The following COL4A4 variants were observed in gnomAD, a reference collection of about 807,000 sequenced individuals.
The protein encoded by COL4A4 is collagen type IV alpha 4 chain.
A neutral mutation model predicts 192.9 loss-of-function variants in COL4A4; 105 were observed. The ratio of observed to expected loss-of-function variants is 0.54; its 90% CI spans 0.46 to 0.64. COL4A4 has a LOEUF of 0.64. Ranked by LOEUF, COL4A4 falls within the 30% of genes least tolerant of loss-of-function variation. The pLI is 0.00. For synonymous variants in COL4A4, 762 were observed against 769.9 expected, an observed-to-expected ratio of 0.99 and a Z score of 0.17; for missense variants, 1,967 against 2,169.3, an observed-to-expected ratio of 0.91 and a Z score of 1.85.
chr2:227,056,005 G>A lies in COL4A4; in HGVS notation c.2656C>T (p.Leu886Phe), dbSNP rs911024884. 4.3e-6 allele frequency: 7 copies of A among 1,614,000 alleles called. No homozygotes were observed. The highest frequency in any genetic ancestry group is 5.9e-6 in the Non-Finnish European group (7 of 1,179,934). The change falls in exon 30 of 48, where the codon CTC becomes TTC. Residue 886 changes from leucine (L) to phenylalanine (F), a missense_variant. Transcript: ENST00000396625. ...CCAAAGGGACCTGGGATTCCTGGGA[G>A]GCCTGGGGGACCATGTGCCCCAGGC... ...GRPGAHGPPG[L>F]PGIPGPFGDD...
intron 44 of COL4A4, among the ~76,000 whole-genome samples, chr2:227,016,829 T>C (rs1280268665): frequency 6.6e-6 from 1 of 152,082 alleles, no homozygotes; most frequent in Non-Finnish European, 1.5e-5. Context: ...TATTTCAGAG[T>C]GTCCTGGACT....
chr2:227,007,297 G>T lies in COL4A4; in HGVS notation c.*28C>A. 6.2e-7 allele frequency: 1 copy of T among 1,614,042 alleles called. No homozygotes were observed. The highest frequency in any genetic ancestry group is 8.5e-7 in the Non-Finnish European group (1 of 1,180,006). On this transcript the variant is annotated 3_prime_UTR_variant, in exon 48 of 48. Coordinates refer to ENST00000396625, the MANE Select transcript of COL4A4 (RefSeq NM_000092.5). ...CTTAGCCCCCTAGGAAGTTTCTCTT[G>T]GCCACGTGTTGGTGAATTTCGCATT...
At chr2:227,157,849 T>C (rs2064478067) in intron 1 of COL4A4, among the ~76,000 whole-genome samples, 1 of 151,992 alleles carries the variant, frequency 6.6e-6, no homozygotes, top group Non-Finnish European at 1.5e-5. Flanking sequence ...ATAATACCAG[T>C]TTTTTTATAT....
intron 45 of COL4A4, among the ~76,000 whole-genome samples, chr2:227,010,775 T>A (rs1963508918): frequency 6.6e-6 from 1 of 152,202 alleles, no homozygotes; most frequent in South Asian, 2.1e-4. Context: ...CTCATAGAGC[T>A]TGCATTACAC....
intron 25 of COL4A4, among the ~76,000 whole-genome samples, chr2:227,072,608 C>A (rs1375315093): frequency 6.6e-6 from 1 of 151,694 alleles, no homozygotes; most frequent in African/African-American, 2.4e-5. Flanking sequence ...CACACACACA[C>A]AAACTACAGA....
chr2:227,052,206 C>G, intron 32 of COL4A4, 99 bp downstream of exon 32: 1 of 743,130 alleles, frequency 1.3e-6, no homozygotes, highest in Non-Finnish European at 2.4e-6. Context: ...AAAAAAAAGT[C>G]TTTTCTAATC....
At chr2:227,151,210 T>A (rs1002766198) in intron 1 of COL4A4, among the ~76,000 whole-genome samples, 3 of 152,178 alleles carry the variant, frequency 2.0e-5, no homozygotes, top group Non-Finnish European at 4.4e-5. Flanking sequence ...TTGATCACAT[T>A]ATTATATTTC....
chr2:227,089,408 C>T lies in COL4A4; in HGVS notation c.1459+460G>A, dbSNP rs1473214187. 5.9e-5 allele frequency among the ~76,000 whole-genome samples: 9 copies of T among 151,796 alleles called. No individual in the cohort carries two copies. The South Asian group carries it at 8.3e-4, about 14-fold the overall frequency. ...ACCCACCTGACTCAGTTGCCCAAAACGGCTCCAAACAATTTAGAGTGGAGA... is the reference window on the plus strand; with the variant it reads ...ACCCACCTGACTCAGTTGCCCAAAATGGCTCCAAACAATTTAGAGTGGAGA... On this transcript the variant is annotated intron_variant, in intron 21 of 47. Transcript: ENST00000396625.
At chr2:227,089,829 A>G in intron 21 of COL4A4, 39 bp downstream of exon 21, 2 of 1,496,500 alleles carry the variant, frequency 1.3e-6, no homozygotes, top group Non-Finnish European at 1.9e-6. Context: ...ATCCATGTAC[A>G]GTTGTCTTCT....
chr2:227,047,904 C>T (rs1973228154), intron 34 of COL4A4, among the ~76,000 whole-genome samples: 1 of 152,034 alleles, frequency 6.6e-6, no homozygotes, highest in Admixed American at 6.6e-5. Context: ...GTTTTAGAAA[C>T]CAAAATCAAA....
At chr2:227,009,358 T>C (rs1962981053) in intron 46 of COL4A4, among the ~76,000 whole-genome samples, 1 of 152,196 alleles carries the variant, frequency 6.6e-6, no homozygotes, top group African/African-American at 2.4e-5. Flanking sequence ...GGCAGCCAGG[T>C]ACTTAAGCCT....
At chr2:226,973,221 A>G in the COL4A4 span, among the ~76,000 whole-genome samples, 1 of 152,340 alleles carries the variant, frequency 6.6e-6, no homozygotes, top group South Asian at 2.1e-4. Context: ...AACTCATCCA[A>G]ACCATTTAAT....
chr2:227,064,882 A>G (rs973916506), intron 25 of COL4A4, among the ~76,000 whole-genome samples: 19 of 152,246 alleles, frequency 1.2e-4, no homozygotes, highest in Non-Finnish European at 2.2e-4. Context: ...AAATGCTAAA[A>G]GGGAAGATGG....
chr2:227,159,978 G>T (rs944373384), intron 1 of COL4A4, among the ~76,000 whole-genome samples: 1 of 152,166 alleles, frequency 6.6e-6, no homozygotes, highest in Admixed American at 6.5e-5. Flanking sequence ...CTGGACAAAG[G>T]TGTTCACAGG....
intron 35 of COL4A4, among the ~76,000 whole-genome samples, chr2:227,044,709 G>A (rs1397661609): frequency 2.6e-5 from 4 of 152,158 alleles, no homozygotes; most frequent in Non-Finnish European, 5.9e-5. Context: ...TCTGAATAGA[G>A]TGCAGAGTAG....
At chr2:227,085,231 C>A (rs2059535895) in intron 22 of COL4A4, among the ~76,000 whole-genome samples, 1 of 152,128 alleles carries the variant, frequency 6.6e-6, no homozygotes, top group African/African-American at 2.4e-5. Context: ...CTGCAGATGC[C>A]TACAGGGGTG....
intron 7 of COL4A4, among the ~76,000 whole-genome samples, chr2:227,117,533 CAAAAGG>C (rs1380331330): frequency 2.0e-5 from 3 of 151,602 alleles, no homozygotes; most frequent in African/African-American, 4.8e-5. Flanking sequence ...GAATCTGGAG[CAAAAGG>C]AAGACTCGTG....
At chr2:227,028,348 G>A (rs1002664965) in intron 41 of COL4A4, among the ~76,000 whole-genome samples, 4 of 152,124 alleles carry the variant, frequency 2.6e-5, no homozygotes, top group South Asian at 2.1e-4. Context: ...CGGGAACAAC[G>A]TGCCTCCCCA....
intron 25 of COL4A4, among the ~76,000 whole-genome samples, chr2:227,077,417 C>G (rs1351650558): frequency 6.6e-6 from 1 of 152,138 alleles, no homozygotes; most frequent in East Asian, 1.9e-4. Flanking sequence ...CGCATGTTCT[C>G]GCTCATAAGT....
Sources: gnomAD v4.1 joint callset for allele counts (sites outside exome capture counted in the v4.1 genomes callset) on GRCh38, gnomAD v4.1.1 for gene constraint, MANE v1.5 for transcripts, NCBI Gene and HGNC (gene_info 2026-07-23, HGNC 2026-07-21) for gene names.